WBP1L: variants seen among roughly 807,000 people sequenced by gnomAD.
WBP1L encodes the protein WW domain binding protein 1 like.
Under a neutral mutation model 33.7 loss-of-function variants are expected in WBP1L, and 17 were observed. The ratio of observed to expected loss-of-function variants is 0.50; its 90% CI spans 0.34 to 0.76. The LOEUF (loss-of-function observed/expected upper bound fraction) is 0.76, where lower values mean the gene tolerates loss of function less well. Among genes scored for constraint, WBP1L ranks in the 30% least tolerant of loss-of-function variants. The pLI, the probability that WBP1L is intolerant of heterozygous loss-of-function variation, is 0.01. For synonymous variants in WBP1L, 173 were observed against 190.8 expected, an observed-to-expected ratio of 0.91 and a Z score of 0.77; for missense variants, 389 against 469.4, an observed-to-expected ratio of 0.83 and a Z score of 1.58.
chr10:102,775,117 CAA>C (rs59486422), intron 1 of WBP1L, among the ~76,000 whole-genome samples: 1,718 of 97,220 alleles, frequency 0.018, 27 homozygotes, highest in African/African-American at 0.062. Flanking sequence ...GACCCTATCT[CAA>C]AAAAAAAAAA....
intron 1 of WBP1L, among the ~76,000 whole-genome samples, chr10:102,755,271 G>T (rs1371221972): frequency 6.6e-6 from 1 of 151,608 alleles, no homozygotes; most frequent in South Asian, 2.1e-4. Context: ...GTAGAGGTAG[G>T]GTCTTGCTAT....
chr10:102,774,395 A>C (rs1590176028), intron 1 of WBP1L, among the ~76,000 whole-genome samples: 1 of 152,118 alleles, frequency 6.6e-6, no homozygotes, highest in African/African-American at 2.4e-5. Flanking sequence ...AGCAGGAGCC[A>C]CTTCTTTTAC....
At chr10:102,765,575 T>C (rs1217666740) in intron 1 of WBP1L, among the ~76,000 whole-genome samples, 1 of 152,206 alleles carries the variant, frequency 6.6e-6, no homozygotes, top group Non-Finnish European at 1.5e-5. Context: ...TTCATTCATG[T>C]GACGATCTTT....
At chr10:102,779,935 G>A (rs1320856053) in intron 1 of WBP1L, among the ~76,000 whole-genome samples, 1 of 152,134 alleles carries the variant, frequency 6.6e-6, no homozygotes, top group Non-Finnish European at 1.5e-5. Flanking sequence ...GACAGATCAG[G>A]TTGGGAGAGT....
At chr10:102,785,150 A>G (rs1448708418) in intron 1 of WBP1L, among the ~76,000 whole-genome samples, 2 of 149,468 alleles carry the variant, frequency 1.3e-5, no homozygotes, top group Non-Finnish European at 3.0e-5. Context: ...CTGGGATTAC[A>G]GGCGTGAGCC....
chr10:102,805,009 G>T (rs1843710739), intron 2 of WBP1L, among the ~76,000 whole-genome samples: 1 of 152,158 alleles, frequency 6.6e-6, no homozygotes, highest in Non-Finnish European at 1.5e-5. Flanking sequence ...TTGGCCAGGT[G>T]TGGTGGCTCA....
At chr10:102,801,003 C>T (rs1425593326) in intron 2 of WBP1L, among the ~76,000 whole-genome samples, 3 of 152,190 alleles carry the variant, frequency 2.0e-5, no homozygotes, top group Non-Finnish European at 4.4e-5. Flanking sequence ...TTTACCTCTA[C>T]TAAACTGCAT....
At chr10:102,798,664 C>T (rs561296800) in intron 2 of WBP1L, among the ~76,000 whole-genome samples, 25 of 152,324 alleles carry the variant, frequency 1.6e-4, no homozygotes, top group African/African-American at 5.5e-4. Flanking sequence ...ACCTCGTGAT[C>T]TGCCCGCCTT....
chr10:102,762,180 C>G (rs11814122), intron 1 of WBP1L, among the ~76,000 whole-genome samples: 1 of 152,094 alleles, frequency 6.6e-6, no homozygotes, highest in Non-Finnish European at 1.5e-5. Flanking sequence ...CCACTCCAGC[C>G]TGGGTGACCC....
At chr10:102,772,460 C>G (rs1843201837) in intron 1 of WBP1L, among the ~76,000 whole-genome samples, 4 of 150,330 alleles carry the variant, frequency 2.7e-5, no homozygotes, top group Admixed American at 2.7e-4. Context: ...GGGGTTTCCC[C>G]ATGTCGGTCA....
intron 1 of WBP1L, among the ~76,000 whole-genome samples, chr10:102,775,472 G>C (rs143652971): frequency 1.3e-5 from 2 of 152,220 alleles, no homozygotes; most frequent in Non-Finnish European, 2.9e-5. Flanking sequence ...TGAACCAAGA[G>C]TTGGTTTAAA....
At chr10:102,768,739 G>C (rs1843145932) in intron 1 of WBP1L, among the ~76,000 whole-genome samples, 2 of 144,514 alleles carry the variant, frequency 1.4e-5, no homozygotes, top group Admixed American at 1.4e-4. Context: ...CCAGGCTGGA[G>C]TGCAGTGGTG....
chr10:102,778,283 C>T (rs1336597044), intron 1 of WBP1L, among the ~76,000 whole-genome samples: 2 of 152,236 alleles, frequency 1.3e-5, no homozygotes, highest in Non-Finnish European at 2.9e-5. Flanking sequence ...CAGGAGCCCA[C>T]AGCCAGGGGA....
At chr10:102,809,078 CTGTTTTGTTT>C (rs10624878) in intron 2 of WBP1L, among the ~76,000 whole-genome samples, 2 of 150,724 alleles carry the variant, frequency 1.3e-5, no homozygotes, top group Admixed American at 6.6e-5. Context: ...TGTCATCATT[CTGTTTTGTTT>C]TGTTTTGTTT....
In WBP1L at chr10:102,814,282, C is replaced by T. The variant is rs185486130; in HGVS notation, c.*951C>T. ...CGCAGCAGTGGATAGAGGTGCAGCT[C>T]TCTGCCTCTCTGCCCTTTGGTCTGT... On this transcript the variant is annotated 3_prime_UTR_variant, in exon 4 of 4. Transcript: ENST00000448841. 2 of 151,784 alleles carry T rather than the reference C, an allele frequency of 1.3e-5. No individual in the cohort carries two copies. Among genetic ancestry groups the T allele is most frequent in the East Asian group, 3.9e-4 (2 of 5,176 alleles). 9.4% of individuals were successfully genotyped at this position (151,784 alleles called of 1,614,324 possible).
Position 102,816,128 on chromosome 10 carries a change from A to AT in WBP1L, c.*2801dup, listed in dbSNP as rs1843940640. 6.6e-6 allele frequency: 1 copy of AT among 152,628 alleles called. No individual in the cohort carries two copies. The highest frequency in any genetic ancestry group is 1.5e-5 in the Non-Finnish European group (1 of 68,040). The allele number at this position is 152,628 out of a possible 1,614,324, so 9.5% of individuals were successfully genotyped here. A position where few individuals can be genotyped will look rare whatever the true frequency, so the allele number is the denominator to read the frequency against. On this transcript the variant is annotated 3_prime_UTR_variant, in exon 4 of 4. Transcript: ENST00000448841. Reference sequence around the variant, plus strand: ...TTTGTCAGTTATTGTGAATATGTGTATTTTAAGCAATAAGATTCAGCTGGT... The same window carrying AT: ...TTTGTCAGTTATTGTGAATATGTGTATTTTTAAGCAATAAGATTCAGCTGGT...
At chr10:102,773,690 C>T (rs949623605) in intron 1 of WBP1L, among the ~76,000 whole-genome samples, 1 of 151,826 alleles carries the variant, frequency 6.6e-6, no homozygotes, top group Non-Finnish European at 1.5e-5. Flanking sequence ...GAGTTCAAGC[C>T]TGGACAACAT....
intron 1 of WBP1L, among the ~76,000 whole-genome samples, chr10:102,754,814 C>T (rs1289402510): frequency 6.6e-6 from 1 of 152,180 alleles, no homozygotes; most frequent in Non-Finnish European, 1.5e-5. Context: ...AAGCGATTCT[C>T]CTGCCTCTGC....
chr10:102,794,759 G>A (rs897872221), intron 1 of WBP1L, among the ~76,000 whole-genome samples: 3 of 152,044 alleles, frequency 2.0e-5, no homozygotes, highest in Admixed American at 2.0e-4. Context: ...AAAGAAAAAA[G>A]TAGGGGGGTG....
Sources: allele counts gnomAD v4.1 joint callset (sites outside exome capture counted in the v4.1 genomes callset), GRCh38; gene constraint gnomAD v4.1.1; transcripts MANE v1.5; gene names NCBI Gene and HGNC (gene_info 2026-07-23, HGNC 2026-07-21).